COL19A1: variants seen among roughly 807,000 people sequenced by gnomAD.
COL19A1 encodes collagen type XIX alpha 1 chain.
In COL19A1, 159 loss-of-function variants were observed where a neutral mutation model predicts 190.2. The observed-to-expected ratio is 0.84, with a 90% CI of 0.73 to 0.95. COL19A1 has a LOEUF of 0.95. COL19A1 is among the 40% of genes least tolerant of loss of function. The probability of loss-of-function intolerance (pLI) is 0.00; values close to 1 mark genes in which losing one functional copy is unlikely to be tolerated. For missense variants in COL19A1, 1,418 were observed against 1,431.9 expected, an observed-to-expected ratio of 0.99 and a Z score of 0.16; for synonymous variants, 509 against 458.9, an observed-to-expected ratio of 1.11 and a Z score of -1.39.
At chr6:69,953,561 C>A (rs980365101) in intron 9 of COL19A1, among the ~76,000 whole-genome samples, 1 of 151,878 alleles carries the variant, frequency 6.6e-6, no homozygotes, top group Non-Finnish European at 1.5e-5. Context: ...AATAGAAGGA[C>A]AGGAAAAAGA....
At chr6:70,045,755 C>G (rs1253849912) in intron 14 of COL19A1, among the ~76,000 whole-genome samples, 1 of 152,188 alleles carries the variant, frequency 6.6e-6, no homozygotes, top group Admixed American at 6.5e-5. Context: ...CTTTACTTTA[C>G]AGGAATTGCA....
At chr6:70,172,178 A>G (rs1765539567) in intron 41 of COL19A1, among the ~76,000 whole-genome samples, 161 bp downstream of exon 41, 2 of 152,238 alleles carry the variant, frequency 1.3e-5, no homozygotes, top group African/African-American at 4.8e-5. Flanking sequence ...AAAAGGATAT[A>G]GAAACTAAAA....
intron 11 of COL19A1, among the ~76,000 whole-genome samples, chr6:69,983,947 G>A (rs980125824): frequency 6.6e-6 from 1 of 151,986 alleles, no homozygotes; most frequent in African/African-American, 2.4e-5. Flanking sequence ...TGCTATCAGA[G>A]TTATGCTAGG....
intron 8 of COL19A1, 91 bp from the exon 9 acceptor site, chr6:69,937,947 C>A: frequency 8.1e-7 from 1 of 1,236,982 alleles, no homozygotes; most frequent in South Asian, 1.3e-5. Flanking sequence ...AAAGCGTTAT[C>A]TTGCTAGTGC....
intron 15 of COL19A1, among the ~76,000 whole-genome samples, chr6:70,092,073 T>C (rs1359487739): frequency 6.6e-6 from 1 of 152,020 alleles, no homozygotes; most frequent in African/African-American, 2.4e-5. Flanking sequence ...AAAGAAGTGG[T>C]GAGCTGGGAA....
At chr6:70,067,960 G>C (rs1166721186) in intron 14 of COL19A1, among the ~76,000 whole-genome samples, 1 of 151,910 alleles carries the variant, frequency 6.6e-6, no homozygotes, top group Non-Finnish European at 1.5e-5. Flanking sequence ...AATATTAAAA[G>C]TTCAATGTTA....
At chr6:69,897,458 TACACAC>T (rs71760023) in intron 2 of COL19A1, among the ~76,000 whole-genome samples, 22,644 of 145,262 alleles carry the variant, frequency 0.16, 1,974 homozygotes, top group African/African-American at 0.26. Context: ...TTGTCAGTTT[TACACAC>T]ACACACACAC....
chr6:69,901,171 A>C lies in COL19A1; in HGVS notation c.266+833A>C, dbSNP rs569949556. 3.3e-5 allele frequency among the ~76,000 whole-genome samples: 5 copies of C among 152,324 alleles called. No individual in the cohort carries two copies. In the South Asian group the frequency reaches 8.3e-4, roughly 25 times the overall value. On this transcript the variant is annotated intron_variant, in intron 4 of 50. Transcript: ENST00000620364. Reference sequence around the variant, plus strand: ...TCTACTTAGCTTCATATGCAACACAAATGTTTTTGTGTGAAAATATGTATG... The same window carrying C: ...TCTACTTAGCTTCATATGCAACACACATGTTTTTGTGTGAAAATATGTATG...
chr6:70,020,097 TA>T (rs1341534514), intron 11 of COL19A1, among the ~76,000 whole-genome samples: 1 of 152,112 alleles, frequency 6.6e-6, no homozygotes, highest in Admixed American at 6.6e-5. Context: ...TAATACTAGT[TA>T]AAATATTATT....
chr6:70,173,629 A>G (rs975071468), intron 41 of COL19A1, among the ~76,000 whole-genome samples: 2 of 152,202 alleles, frequency 1.3e-5, no homozygotes, highest in African/African-American at 4.8e-5. Flanking sequence ...GATGACCTTG[A>G]CCAGAGAAAT....
At chr6:69,921,142 TCA>T (rs1327337829) in intron 4 of COL19A1, among the ~76,000 whole-genome samples, 8 of 124,240 alleles carry the variant, frequency 6.4e-5, no homozygotes, top group East Asian at 2.2e-4. Flanking sequence ...CACATATATA[TCA>T]CATATGTATC....
At chr6:69,932,637 A>G in intron 6 of COL19A1, 146 bp from the exon 7 acceptor site, 1 of 567,534 alleles carries the variant, frequency 1.8e-6, no homozygotes, top group Non-Finnish European at 3.1e-6. Context: ...AATGAATCCT[A>G]CATTTAATAA....
In COL19A1 at chr6:69,957,701, G is replaced by A. The variant is rs987699524; in HGVS notation, c.937-2295G>A. ...ATTTCTTCTTGGACTGAAATTTTGA[G>A]GAAGGAGAGGCAGCAGGAGTTCAGA... On this transcript the variant is annotated intron_variant, in intron 9 of 50. Coordinates refer to ENST00000620364, the MANE Select transcript of COL19A1 (RefSeq NM_001858.6). Among the ~76,000 whole-genome samples, 3 of 152,122 alleles carry A rather than the reference G, an allele frequency of 2.0e-5. No individual in the cohort carries two copies. The South Asian group carries it at 6.2e-4, about 32-fold the overall frequency.
intron 45 of COL19A1, 33 bp downstream of exon 45, chr6:70,184,771 A>C (rs369576325): frequency 6.2e-7 from 1 of 1,602,462 alleles, no homozygotes; most frequent in African/African-American, 1.3e-5. Flanking sequence ...TAAAAGTTAT[A>C]ATGCATACTG....
intron 33 of COL19A1, 74 bp from the exon 34 acceptor site, chr6:70,156,596 A>T: frequency 6.6e-7 from 1 of 1,505,692 alleles, no homozygotes; most frequent in Non-Finnish European, 9.2e-7. Flanking sequence ...AAGTGTTCTT[A>T]GAAGAGATTT....
At chr6:70,090,186 A>T (rs1251644375) in intron 15 of COL19A1, among the ~76,000 whole-genome samples, 2 of 152,126 alleles carry the variant, frequency 1.3e-5, no homozygotes, top group Non-Finnish European at 2.9e-5. Flanking sequence ...TCAAAAAAAA[A>T]AAAGATTTGC....
intron 16 of COL19A1, among the ~76,000 whole-genome samples, chr6:70,115,804 TG>T (rs940960704): frequency 1.6e-4 from 24 of 145,970 alleles, no homozygotes; most frequent in Non-Finnish European, 2.2e-4. Context: ...TTGTTTTTTT[TG>T]TTTTGTTTTT....
intron 14 of COL19A1, among the ~76,000 whole-genome samples, chr6:70,048,824 G>T (rs183356117): frequency 8.5e-5 from 13 of 152,104 alleles, no homozygotes; most frequent in Admixed American, 5.2e-4. Context: ...GCTTAGAATA[G>T]AATTGAATTA....
In COL19A1 at chr6:70,093,540, G is replaced by A. The variant is rs9446194; in HGVS notation, c.1225-8629G>A. 5.3e-3 allele frequency among the ~76,000 whole-genome samples: 803 copies of A among 152,028 alleles called. 6 individuals carry two copies. Among genetic ancestry groups the A allele is most frequent in the African/African-American group, 0.018 (754 of 41,456 alleles). On this transcript the variant is annotated intron_variant, in intron 15 of 50. Transcript: ENST00000620364. ...GGCCTCAGAATCAGGGTAGAGAGAC[G>A]TGAGGGCAAGCAGAAATCAGGCAAG...
Sources: allele counts gnomAD v4.1 joint callset (sites outside exome capture counted in the v4.1 genomes callset), GRCh38; gene constraint gnomAD v4.1.1; transcripts MANE v1.5; gene names NCBI Gene and HGNC (gene_info 2026-07-23, HGNC 2026-07-21).